The following WT1 variants were observed in gnomAD, a reference collection of about 807,000 sequenced individuals.
WT1 encodes WT1 transcription factor, also known as Wilms tumor protein.
Under a neutral mutation model 60.8 loss-of-function variants are expected in WT1, and 8 were observed. The ratio of observed to expected loss-of-function variants is 0.13; its 90% CI spans 0.08 to 0.24. The LOEUF (loss-of-function observed/expected upper bound fraction) is 0.24. WT1 is among the 10% of genes least tolerant of loss of function. WT1 has a pLI of 1.00. For synonymous variants in WT1, 312 were observed against 297.1 expected (o/e 1.05, Z -0.52); for missense variants, 568 against 711.8 (o/e 0.80, Z 2.30).
chr11:32,431,515 C>G (rs1170515115), intron 1 of WT1, among the ~76,000 whole-genome samples: 1 of 150,318 alleles, frequency 6.7e-6, no homozygotes, highest in Non-Finnish European at 1.5e-5. Context: ...CAGCTCACTT[C>G]AACCTCAGCC....
At position 32,427,990 on chromosome 11, in the gene WT1, T is replaced by G; in HGVS notation, c.853A>C (p.Ser285Arg). The change falls in exon 3 of 10, where the codon AGC becomes CGC. Residue 285 changes from serine to arginine, a missense_variant. Around this residue, in one of 3 missense-constraint regions of WT1, gnomAD observed 523 missense variants for 565.1 expected, o/e 0.93. Transcript: ENST00000452863. The stretch of plus-strand genomic sequence containing the variant: ...GGCGTCCTCAGCAGCAAAGCCTGGC[T>G]GCCGGTGCAGCTGTCGGTGGGGGTG... The G allele has an allele frequency of 6.2e-7, 1 of 1,611,922 alleles. No individual in the cohort carries two copies. The highest frequency in any genetic ancestry group is 8.5e-7 in the Non-Finnish European group (1 of 1,179,208).
At position 32,389,254 on chromosome 11, in the gene WT1, G is replaced by GT. The variant is rs1851749366; in HGVS notation, c.1448-76_1448-75insA. 4 of 1,610,726 alleles carry GT rather than the reference G, an allele frequency of 2.5e-6. No homozygotes were observed. The South Asian group carries it at 4.4e-5, about 18-fold the overall frequency. On this transcript the variant is annotated intron_variant, in intron 9 of 9. Coordinates refer to ENST00000452863, the MANE Select transcript of WT1 (RefSeq NM_024426.6). ...CAAGTTCAACTATCAAGGCCCGAGTGAAGTCATCACAAGGCACCCACTCTG... is the reference window on the plus strand; with the variant it reads ...CAAGTTCAACTATCAAGGCCCGAGTGTAAGTCATCACAAGGCACCCACTCTG...
intron 5 of WT1, among the ~76,000 whole-genome samples, chr11:32,403,572 CTTTTTTT>C (rs398055138): frequency 1.6e-5 from 2 of 128,780 alleles, no homozygotes; most frequent in South Asian, 2.5e-4. Context: ...ATGAATATTA[CTTTTTTT>C]TTTTTTTTTT....
rs1554939791 is a variant in WT1 at position 32,396,294 on chromosome 11, C to T, written c.1227G>A (p.Lys409=). Residue 409 remains lysine, a synonymous_variant, in exon 7 of 10, where the codon AAG becomes AAA. Transcript: ENST00000452863. ...TGCTGTGCATCTGTAAGTGGGACAG[C>T]TTAAAATATCTCTTATTGCAGCCTG... The T allele has an allele frequency of 9.9e-6, 16 of 1,614,194 alleles. No homozygotes were observed. The highest frequency in any genetic ancestry group is 1.2e-5 in the Non-Finnish European group (14 of 1,180,042).
At chr11:32,422,978 A>G (rs1435886270) in intron 3 of WT1, among the ~76,000 whole-genome samples, 1 of 152,274 alleles carries the variant, frequency 6.6e-6, no homozygotes, top group Non-Finnish European at 1.5e-5. Flanking sequence ...TTTTCAAAGT[A>G]GCCATGAGGA....
chr11:32,401,227 C>T (rs538388384), intron 5 of WT1, among the ~76,000 whole-genome samples: 10 of 152,146 alleles, frequency 6.6e-5, no homozygotes, highest in East Asian at 1.9e-4. Flanking sequence ...TTTAAAATAC[C>T]GTGCTAAGAA....
chr11:32,429,970 C>G (rs905514809), intron 1 of WT1, among the ~76,000 whole-genome samples: 1 of 137,730 alleles, frequency 7.3e-6, no homozygotes, highest in Non-Finnish European at 1.5e-5. Context: ...ACCACCACCC[C>G]CCGCCCAGAA....
At chr11:32,429,583 G>T (rs1197358662) in intron 1 of WT1, among the ~76,000 whole-genome samples, 2 of 151,810 alleles carry the variant, frequency 1.3e-5, no homozygotes, top group African/African-American at 4.8e-5. Flanking sequence ...GAAAGCTGTT[G>T]CTGCCTCTGG....
intron 9 of WT1, 84 bp downstream of exon 9, chr11:32,391,888 T>C: frequency 7.0e-7 from 1 of 1,431,736 alleles, no homozygotes; most frequent in South Asian, 1.1e-5. Context: ...TACACTAGTC[T>C]TTTCCAATCC....
intron 1 of WT1, among the ~76,000 whole-genome samples, chr11:32,433,860 C>T (rs1414127259): frequency 6.6e-6 from 1 of 152,258 alleles, no homozygotes; most frequent in Non-Finnish European, 1.5e-5. Flanking sequence ...TGAAGAAATA[C>T]TGTCCCAGCT....
intron 5 of WT1, among the ~76,000 whole-genome samples, chr11:32,409,800 C>A (rs1196024858): frequency 6.6e-6 from 1 of 152,116 alleles, no homozygotes; most frequent in Non-Finnish European, 1.5e-5. Context: ...CAGCTTCTGG[C>A]TAAAGCCAGC....
intron 5 of WT1, among the ~76,000 whole-genome samples, chr11:32,411,547 T>TG (rs1564983614): frequency 6.6e-6 from 1 of 152,192 alleles, no homozygotes; most frequent in South Asian, 2.1e-4. Context: ...TCTAGGCTTT[T>TG]GGGGGGAGTT....
intron 9 of WT1, among the ~76,000 whole-genome samples, chr11:32,389,725 G>T (rs901150536): frequency 6.6e-6 from 1 of 151,798 alleles, no homozygotes; most frequent in Non-Finnish European, 1.5e-5. Flanking sequence ...CAGTTTACAT[G>T]TTATGTGTTG....
At position 32,428,529 on chromosome 11, in the gene WT1, T is replaced by A. The variant is rs914029023; in HGVS notation, c.752A>T (p.His251Leu). 7 of 1,614,152 alleles carry A rather than the reference T, an allele frequency of 4.3e-6. No homozygotes were observed. Among genetic ancestry groups the A allele is most frequent in the Non-Finnish European group, 5.9e-6 (7 of 1,180,036 alleles). The stretch of plus-strand genomic sequence containing the variant: ...GCCCTGCTGGCCCATGGGATCCTCA[T>A]GCTTGAATGAGTGGTTGGGGAACTG... The change falls in exon 2 of 10, where the codon CAT becomes CTT. Residue 251 changes from histidine (H) to leucine (L), a missense_variant. By Grantham distance (99) the His-to-Leu change is moderately conservative. This residue lies in a region of WT1 where 523 missense variants were observed against 565.1 expected (regional missense o/e 0.93). Transcript: ENST00000452863.
intron 3 of WT1, among the ~76,000 whole-genome samples, chr11:32,419,256 T>C (rs1269360767): frequency 6.6e-6 from 1 of 152,220 alleles, no homozygotes; most frequent in Non-Finnish European, 1.5e-5. Context: ...TTCTTTGGGC[T>C]GACAGTTCAT....
rs760438749 is a variant in WT1, at chr11:32,430,584, C to A, written c.662-1965G>T. The A allele has an allele frequency of 6.9e-6, 11 of 1,605,628 alleles. No individual in the cohort carries two copies. Among genetic ancestry groups the A allele is most frequent in the Non-Finnish European group, 9.4e-6 (11 of 1,176,414 alleles). ...CAGGGACCCAGGGCACTGCACAATC[C>A]TCAGAGCCCTGCTCCGCAACTGTCC... On this transcript the variant is annotated intron_variant, in intron 1 of 9. Coordinates refer to ENST00000452863, the MANE Select transcript of WT1 (RefSeq NM_024426.6).
At chr11:32,411,211 C>A (rs970488009) in intron 5 of WT1, among the ~76,000 whole-genome samples, 2 of 152,134 alleles carry the variant, frequency 1.3e-5, no homozygotes, top group Admixed American at 1.3e-4. Context: ...CTATTCAGCT[C>A]CTTTCTTCTC....
chr11:32,407,342 A>G lies in WT1; in HGVS notation c.1017-7298T>C, dbSNP rs918542888. 2.0e-5 allele frequency among the ~76,000 whole-genome samples: 3 copies of G among 152,326 alleles called. No homozygotes were observed. The East Asian group carries it at 5.8e-4, about 29-fold the overall frequency. ...ATATTCCACAGGCACATGAAGATTA[A>G]TAAAAAGGAATTGAGGTTTTACAGA... On this transcript the variant is annotated intron_variant, in intron 5 of 9. Transcript: ENST00000452863.
Sources: allele counts gnomAD v4.1 joint callset (sites outside exome capture counted in the v4.1 genomes callset), GRCh38; gene constraint gnomAD v4.1.1; regional missense constraint gnomAD v4.1.1; transcripts MANE v1.5; gene names NCBI Gene and HGNC (gene_info 2026-07-23, HGNC 2026-07-21).